Variants in ARHGEF10L observed in about 807,000 individuals in gnomAD.
ARHGEF10L encodes rho guanine nucleotide exchange factor 10-like protein.
Under a neutral mutation model 141.2 loss-of-function variants are expected in ARHGEF10L, and 69 were observed. The ratio of observed to expected loss-of-function variants is 0.49; its 90% CI spans 0.40 to 0.60. The LOEUF (loss-of-function observed/expected upper bound fraction) is 0.60. ARHGEF10L is among the 20% of genes least tolerant of loss of function. The pLI, the probability that ARHGEF10L is intolerant of heterozygous loss-of-function variation, is 0.00. For missense variants in ARHGEF10L, 1,482 were observed against 1,734.3 expected, an observed-to-expected ratio of 0.85 and a Z score of 2.58; for synonymous variants, 711 against 718.5, an observed-to-expected ratio of 0.99 and a Z score of 0.17.
chr1:17,669,170 G>A (rs2063164932), intron 26 of ARHGEF10L, among the ~76,000 whole-genome samples: 1 of 152,198 alleles, frequency 6.6e-6, no homozygotes, highest in Non-Finnish European at 1.5e-5. Context: ...AACCCCCTAT[G>A]GGGTTTGAGA....
chr1:17,675,989 TGTGCAGGTGTGG>T (rs1408793880), intron 26 of ARHGEF10L, among the ~76,000 whole-genome samples: 5 of 140,034 alleles, frequency 3.6e-5, no homozygotes, highest in East Asian at 4.5e-4. Flanking sequence ...GGTGCAGGTG[TGTGCAGGTGTGG>T]GTGCAGGTGT....
intron 26 of ARHGEF10L, among the ~76,000 whole-genome samples, chr1:17,674,594 C>T (rs1333283340): frequency 1.3e-5 from 2 of 152,150 alleles, no homozygotes; most frequent in Non-Finnish European, 2.9e-5. Flanking sequence ...GGGCATTTAG[C>T]GGGAGGGCCC....
intron 4 of ARHGEF10L, 141 bp downstream of exon 4, chr1:17,588,620 C>T: frequency 9.6e-7 from 1 of 1,037,328 alleles, no homozygotes; most frequent in Non-Finnish European, 1.4e-6. Context: ...AGGCCCTGTG[C>T]CCTGGGGGAA....
chr1:17,681,418 A>T (rs550735284), intron 26 of ARHGEF10L, among the ~76,000 whole-genome samples: 1 of 152,366 alleles, frequency 6.6e-6, no homozygotes, highest in African/African-American at 2.4e-5. Flanking sequence ...GCCATCCAGG[A>T]TCCAGCCTGA....
At chr1:17,640,021 T>A in intron 20 of ARHGEF10L, 181 bp from the exon 21 acceptor site, 1 of 1,468,982 alleles carries the variant, frequency 6.8e-7, no homozygotes, top group Non-Finnish European at 9.0e-7. Flanking sequence ...GAGGGATTCC[T>A]CCCCCAGGGG....
rs1056752426 is a variant in ARHGEF10L, at chr1:17,644,003, C to A, written c.2272+3701C>A. Among the ~76,000 whole-genome samples the A allele has an allele frequency of 6.6e-6, 1 of 152,176 alleles. No individual in the cohort carries two copies. The highest frequency in any genetic ancestry group is 1.5e-5 in the Non-Finnish European group (1 of 68,008). ...CTCATTTCCCTCCTGTACCCTCCCC[C>A]GCCACCACCTGCTCTGCTCACAAAG... On this transcript the variant is annotated intron_variant, in intron 21 of 28. Transcript: ENST00000361221. This position sits in a 1 kb window ranked among gnomAD's most constrained non-coding sequence, Gnocchi z 4.5.
At position 17,613,184 on chromosome 1, in the gene ARHGEF10L, G is replaced by A. The variant is rs1254154589; in HGVS notation, c.726+10G>A. On this transcript the variant is annotated intron_variant, in intron 8 of 28. Coordinates refer to ENST00000361221, the MANE Select transcript of ARHGEF10L (RefSeq NM_018125.4). ...CAAGTACGATTGTAAGGTATTGTCTGTCTGTCCCCTCAAGCCCTGGATGGG... is the reference window on the plus strand; with the variant it reads ...CAAGTACGATTGTAAGGTATTGTCTATCTGTCCCCTCAAGCCCTGGATGGG... 4 of 1,606,536 alleles carry A rather than the reference G, an allele frequency of 2.5e-6. No individual in the cohort carries two copies. Among genetic ancestry groups the A allele is most frequent in the East Asian group, 2.2e-5 (1 of 44,790 alleles).
At position 17,573,974 on chromosome 1, in the gene ARHGEF10L, A is replaced by G. The variant is rs899006806; in HGVS notation, c.-43-6579A>G. Among the ~76,000 whole-genome samples the G allele has an allele frequency of 6.6e-6, 1 of 151,758 alleles. No individual in the cohort carries two copies. The highest frequency in any genetic ancestry group is 1.5e-5 in the Non-Finnish European group (1 of 67,894). ...CCCCTCCCCCTCCCTGGTGAAGAGG[A>G]AAGGAAGTTGGAGCCGCCCCCACCT... On this transcript the variant is annotated intron_variant, in intron 1 of 28. Transcript: ENST00000361221. The surrounding 1 kb of genome is among the most constrained non-coding windows in gnomAD (Gnocchi z 4.8).
chr1:17,537,447 G>A (rs949802348), upstream of ARHGEF10L, among the ~76,000 whole-genome samples: 3 of 152,192 alleles, frequency 2.0e-5, no homozygotes, highest in Non-Finnish European at 4.4e-5. Context: ...CTGGGGCATG[G>A]CCCCTGCCCT....
At chr1:17,536,832 C>T (rs1277961594), upstream of ARHGEF10L, among the ~76,000 whole-genome samples, 4 of 152,078 alleles carry the variant, frequency 2.6e-5, no homozygotes, top group Admixed American at 1.3e-4. Context: ...CTGGCATTAT[C>T]AGATCTTCCG....
intron 1 of ARHGEF10L, among the ~76,000 whole-genome samples, chr1:17,574,721 C>G (rs1342216065): frequency 6.6e-6 from 1 of 152,170 alleles, no homozygotes; most frequent in Non-Finnish European, 1.5e-5. Flanking sequence ...GGCAGCTCCT[C>G]TCTCCCCATC....
rs546442026 is a variant in ARHGEF10L at position 17,673,166 on chromosome 1, C to T, written c.3009+8571C>T. Among the ~76,000 whole-genome samples, 84 of 152,284 alleles carry T rather than the reference C, an allele frequency of 5.5e-4. No individual in the cohort carries two copies. The highest frequency in any genetic ancestry group is 1.6e-3 in the African/African-American group (67 of 41,554). On this transcript the variant is annotated intron_variant, in intron 26 of 28. Transcript: ENST00000361221. The surrounding 1 kb of genome is among the most constrained non-coding windows in gnomAD (Gnocchi z 4.1). ...ACAGGGAAGGCGGATGAACAGACAT[C>T]GTGGAGAGGACATATGGGACGGGAG... is the stretch of plus-strand genomic sequence containing the variant.
intron 1 of ARHGEF10L, among the ~76,000 whole-genome samples, chr1:17,577,257 G>C (rs556300395): frequency 1.4e-4 from 21 of 152,286 alleles, no homozygotes; most frequent in African/African-American, 4.8e-4. Flanking sequence ...TGTTGGCCAG[G>C]CTGGTTTCGA....
At chr1:17,645,129 G>A (rs772389481) in intron 21 of ARHGEF10L, among the ~76,000 whole-genome samples, 5 of 152,156 alleles carry the variant, frequency 3.3e-5, no homozygotes, top group Non-Finnish European at 5.9e-5. Flanking sequence ...AGAGCTGGGT[G>A]CTAAATAAGC....
chr1:17,580,770 C>T (rs1252928739), intron 2 of ARHGEF10L, 138 bp downstream of exon 2: 9 of 989,932 alleles, frequency 9.1e-6, no homozygotes, highest in East Asian at 7.8e-5. Context: ...CTGCCTGGGC[C>T]GCATCCTCTA....
intron 26 of ARHGEF10L, among the ~76,000 whole-genome samples, chr1:17,686,236 G>T (rs1306869009): frequency 3.9e-5 from 6 of 152,118 alleles, no homozygotes. Flanking sequence ...TGTCCCCATG[G>T]CTTGGGGATT....
intron 8 of ARHGEF10L, among the ~76,000 whole-genome samples, chr1:17,614,684 C>T (rs1019241727): frequency 3.3e-5 from 5 of 152,166 alleles, no homozygotes; most frequent in African/African-American, 1.2e-4. Context: ...GATTACTCCC[C>T]TTGCCCAACC....
intron 1 of ARHGEF10L, among the ~76,000 whole-genome samples, chr1:17,577,400 G>C (rs541135283): frequency 1.3e-5 from 2 of 152,342 alleles, no homozygotes; most frequent in Admixed American, 1.3e-4. Flanking sequence ...GAGGCCCAGA[G>C]ATAGGATTAA....
intron 22 of ARHGEF10L, among the ~76,000 whole-genome samples, chr1:17,650,682 G>A (rs560946785): frequency 9.0e-5 from 13 of 144,002 alleles, no homozygotes; most frequent in Non-Finnish European, 1.8e-4. Context: ...GCAGTGAGCC[G>A]AAATCATGCC....
Sources: allele counts gnomAD v4.1 joint callset (sites outside exome capture counted in the v4.1 genomes callset), GRCh38; gene constraint gnomAD v4.1.1; non-coding constraint Gnocchi (gnomAD v3.1); transcripts MANE v1.5; gene names NCBI Gene and HGNC (gene_info 2026-07-23, HGNC 2026-07-21).